The following RASSF5 variants were observed in gnomAD, a reference collection of about 807,000 sequenced individuals.
The protein encoded by RASSF5 is Ras association domain family member 5.
RASSF5 carries 25 observed loss-of-function variants against 40.5 expected under a neutral mutation model. The observed-to-expected ratio is 0.62, with a 90% CI of 0.45 to 0.86. RASSF5 has a LOEUF of 0.86. Among genes scored for constraint, RASSF5 ranks in the 40% least tolerant of loss-of-function variants. RASSF5 has a pLI of 0.00. For missense variants in RASSF5, 521 were observed against 572.8 expected (o/e 0.91, Z 0.92); for synonymous variants, 246 against 252.4 (o/e 0.97, Z 0.24).
chr1:206,517,851 C>A (rs1315797780), intron 1 of RASSF5, among the ~76,000 whole-genome samples: 1 of 152,142 alleles, frequency 6.6e-6, no homozygotes, highest in Non-Finnish European at 1.5e-5. Flanking sequence ...ATGGCCTGAC[C>A]CTCTTAAAGC....
chr1:206,529,872 G>A (rs1160966171), intron 1 of RASSF5, among the ~76,000 whole-genome samples: 5 of 152,036 alleles, frequency 3.3e-5, no homozygotes, highest in African/African-American at 1.2e-4. Flanking sequence ...CCATGTTCAC[G>A]TCACTGCACT....
In RASSF5 at chr1:206,531,999, C is replaced by A. The variant is rs577916445; in HGVS notation, c.458-6173C>A. ...CCCGGGAGGCGGAGCTTGCAGTGAGCCAAGTTCACGCCACTGCACTCTAGC... is the reference window on the plus strand; with the variant it reads ...CCCGGGAGGCGGAGCTTGCAGTGAGACAAGTTCACGCCACTGCACTCTAGC... On this transcript the variant is annotated intron_variant, in intron 1 of 5. Transcript: ENST00000579436. The surrounding 1 kb of genome is among the most constrained non-coding windows in gnomAD (Gnocchi z 4.7). 1.8e-4 allele frequency among the ~76,000 whole-genome samples: 28 copies of A among 152,044 alleles called. No homozygotes were observed. Among genetic ancestry groups the A allele is most frequent in the African/African-American group, 6.8e-4 (28 of 41,466 alleles).
In RASSF5 at chr1:206,588,485, A is replaced by C. The variant is rs1430118985; in HGVS notation, c.*1507A>C. 6.6e-6 allele frequency: 1 copy of C among 152,366 alleles called. No individual in the cohort carries two copies. The highest frequency in any genetic ancestry group is 1.5e-5 in the Non-Finnish European group (1 of 68,054). 9.4% of individuals were successfully genotyped at this position (152,366 alleles called of 1,614,324 possible). On this transcript the variant is annotated 3_prime_UTR_variant, in exon 6 of 6. Transcript: ENST00000579436. ...GAGAAGGACTTGTAATTTTCAAAGC[A>C]GGGCTGGTTTTCCAACCCAGCCTCT...
chr1:206,577,351 G>A (rs1668692927), intron 2 of RASSF5, among the ~76,000 whole-genome samples: 1 of 152,140 alleles, frequency 6.6e-6, no homozygotes, highest in African/African-American at 2.4e-5. Context: ...TGGCTCAGAG[G>A]GGTAGAACTT....
At position 206,538,236 on chromosome 1, in the gene RASSF5, G is replaced by C. The variant is rs1027312389; in HGVS notation, c.522G>C (p.Glu174Asp). The C allele has an allele frequency of 6.2e-7, 1 of 1,614,212 alleles. No homozygotes were observed. Among genetic ancestry groups the C allele is most frequent in the Admixed American group, 1.7e-5 (1 of 60,036 alleles). Residue 174 changes from glutamate (E) to aspartate (D), a missense_variant, in exon 2 of 6, where the codon GAG becomes GAC. Glu to Asp is a conservative substitution (Grantham distance 45, BLOSUM62 2). Transcript: ENST00000579436. ...TCCAGTTGGACTGCAGTCAGCAGGA[G>C]GGTTTATCCCGGGACAGACCCTCTC... ...SLIQLDCSQQEGLSRDRPSPE... is the reference protein window; with the variant it reads ...SLIQLDCSQQDGLSRDRPSPE...
rs1186546871 is a variant in RASSF5, at chr1:206,560,158, C to G, written c.579+21865C>G. ...AGGAGTTGATGTGTTTCCCGGTCGT[C>G]GAGAGATTGAGGCCCTCATCTGGGA... On this transcript the variant is annotated intron_variant, in intron 2 of 5. Coordinates refer to ENST00000579436, the MANE Select transcript of RASSF5 (RefSeq NM_182663.4). The surrounding 1 kb of genome is among the most constrained non-coding windows in gnomAD (Gnocchi z 5.1). 6.6e-6 allele frequency among the ~76,000 whole-genome samples: 1 copy of G among 152,204 alleles called. No homozygotes were observed. The highest frequency in any genetic ancestry group is 2.4e-5 in the African/African-American group (1 of 41,442).
In RASSF5 at chr1:206,587,148, T is replaced by G; in HGVS notation, c.*170T>G. The G allele has an allele frequency of 1.3e-6, 1 of 755,206 alleles. No homozygotes were observed. Among genetic ancestry groups the G allele is most frequent in the Non-Finnish European group, 2.2e-6 (1 of 459,500 alleles). 46.8% of individuals were successfully genotyped at this position (755,206 alleles called of 1,614,324 possible). On this transcript the variant is annotated 3_prime_UTR_variant, in exon 6 of 6. Transcript: ENST00000579436. Reference sequence around the variant, plus strand: ...CCATGGACAAGTGTTTGCACGAGGGTTCAGCTGTGCCCGCCCCCAGGCTGT... The same window carrying G: ...CCATGGACAAGTGTTTGCACGAGGGGTCAGCTGTGCCCGCCCCCAGGCTGT...
chr1:206,557,465 G>A (rs953823147), intron 2 of RASSF5: 88 of 1,538,162 alleles, frequency 5.7e-5, no homozygotes, highest in Admixed American at 2.3e-4. Flanking sequence ...CTCAGAGCTA[G>A]GGGCTTACGC....
At chr1:206,554,146 C>T (rs1553401439) in intron 2 of RASSF5, among the ~76,000 whole-genome samples, 1 of 152,192 alleles carries the variant, frequency 6.6e-6, no homozygotes, top group African/African-American at 2.4e-5. Context: ...TTTTCAGCCT[C>T]TCTATATGCC....
intron 2 of RASSF5, among the ~76,000 whole-genome samples, chr1:206,568,508 T>C (rs1447527309): frequency 3.3e-5 from 5 of 152,146 alleles, no homozygotes; most frequent in Admixed American, 6.5e-5. Context: ...GGTGTGGGTA[T>C]GCGGGGTGCT....
At chr1:206,576,864 C>A (rs895506018) in intron 2 of RASSF5, among the ~76,000 whole-genome samples, 4 of 152,154 alleles carry the variant, frequency 2.6e-5, no homozygotes, top group African/African-American at 4.8e-5. Context: ...TGCAGTGGCA[C>A]AATCACGGCT....
Position 206,587,109 on chromosome 1 carries a change from G to A in RASSF5, c.*131G>A, listed in dbSNP as rs947732834. 9.6e-5 allele frequency: 113 copies of A among 1,174,468 alleles called. No individual in the cohort carries two copies. The Admixed American group carries it at 2.2e-3, about 23-fold the overall frequency. The allele number at this position is 1,174,468 out of a possible 1,614,324, so 72.8% of individuals were successfully genotyped here. Reference sequence around the variant, plus strand: ...GTGCCTGCCCAGCAGTTCCAGCTGTGGCAAAAGTCTCTTCCATGGACAAGT... The same window carrying A: ...GTGCCTGCCCAGCAGTTCCAGCTGTAGCAAAAGTCTCTTCCATGGACAAGT... On this transcript the variant is annotated 3_prime_UTR_variant, in exon 6 of 6. Coordinates refer to ENST00000579436, the MANE Select transcript of RASSF5 (RefSeq NM_182663.4).
At chr1:206,577,545 A>T (rs1668698689) in intron 2 of RASSF5, among the ~76,000 whole-genome samples, 1 of 152,234 alleles carries the variant, frequency 6.6e-6, no homozygotes, top group African/African-American at 2.4e-5. Flanking sequence ...TGACTTTCTC[A>T]AGATCATGTA....
chr1:206,532,517 C>T (rs904127148), intron 1 of RASSF5, among the ~76,000 whole-genome samples: 22 of 152,310 alleles, frequency 1.4e-4, no homozygotes, highest in African/African-American at 4.6e-4. Context: ...GGCTGCTGGT[C>T]CTCAGGGAGA....
Position 206,584,740 on chromosome 1 carries a change from C to G in RASSF5, c.988+56C>G. On this transcript the variant is annotated intron_variant, in intron 4 of 5. Coordinates refer to ENST00000579436, the MANE Select transcript of RASSF5 (RefSeq NM_182663.4). This position sits in a 1 kb window ranked among gnomAD's most constrained non-coding sequence, Gnocchi z 4.9. ...TTCCCTTCCTACCTGTGTCCAAGCC[C>G]ACCCACTAAAACTCCTGCCGGCCTT... The G allele has an allele frequency of 6.3e-7, 1 of 1,594,114 alleles. No homozygotes were observed. The highest frequency in any genetic ancestry group is 8.6e-7 in the Non-Finnish European group (1 of 1,166,468).
intron 1 of RASSF5, among the ~76,000 whole-genome samples, chr1:206,523,733 TA>T (rs1558498301): frequency 3.0e-5 from 3 of 98,982 alleles, no homozygotes; most frequent in Non-Finnish European, 5.4e-5. Flanking sequence ...TTATATATTA[TA>T]TATAATATAT....
At position 206,538,246 on chromosome 1, in the gene RASSF5, C is replaced by T. The variant is rs782524239; in HGVS notation, c.532C>T (p.Arg178Trp). ...CTGCAGTCAGCAGGAGGGTTTATCCCGGGACAGACCCTCTCCAGAAAGCAC... is the reference window on the plus strand; with the variant it reads ...CTGCAGTCAGCAGGAGGGTTTATCCTGGGACAGACCCTCTCCAGAAAGCAC... Reference protein sequence around the residue: ...LDCSQQEGLSRDRPSPESTLT... With the variant: ...LDCSQQEGLSWDRPSPESTLT... The change falls in exon 2 of 6, where the codon CGG becomes TGG. Residue 178 changes from arginine to tryptophan, a missense_variant. Around this residue, in one of 2 missense-constraint regions of RASSF5, gnomAD observed 284 missense variants for 360.8 expected, o/e 0.79. Coordinates refer to ENST00000579436, the MANE Select transcript of RASSF5 (RefSeq NM_182663.4). 2.1e-5 allele frequency: 34 copies of T among 1,614,054 alleles called. No individual in the cohort carries two copies. Among genetic ancestry groups the T allele is most frequent in the Admixed American group, 6.7e-5 (4 of 60,000 alleles).
intron 2 of RASSF5, among the ~76,000 whole-genome samples, chr1:206,547,521 G>T (rs1281407836): frequency 3.3e-5 from 5 of 151,904 alleles, no homozygotes; most frequent in Non-Finnish European, 5.9e-5. Context: ...CCCCAGATGG[G>T]ACCATCTAGT....
At chr1:206,525,885 C>G (rs1553397132) in intron 1 of RASSF5, among the ~76,000 whole-genome samples, 1 of 152,210 alleles carries the variant, frequency 6.6e-6, no homozygotes, top group African/African-American at 2.4e-5. Flanking sequence ...AAAACTGATA[C>G]AGTCATTTTG....
Sources: allele counts gnomAD v4.1 joint callset (sites outside exome capture counted in the v4.1 genomes callset), GRCh38; gene constraint gnomAD v4.1.1; regional missense constraint gnomAD v4.1.1; non-coding constraint Gnocchi (gnomAD v3.1); transcripts MANE v1.5; gene names NCBI Gene and HGNC (gene_info 2026-07-23, HGNC 2026-07-21).